The following PHACTR3 variants were observed in gnomAD, a reference collection of about 807,000 sequenced individuals.
PHACTR3 encodes protein phosphatase 1, regulatory subunit 123.
PHACTR3 carries 16 observed loss-of-function variants against 66.8 expected under a neutral mutation model. That is an observed-to-expected ratio of 0.24 (90% CI 0.16 to 0.36). PHACTR3 has a LOEUF of 0.36. Ranked by LOEUF, PHACTR3 falls within the 10% of genes least tolerant of loss-of-function variation. The probability of loss-of-function intolerance (pLI) is 1.00; values close to 1 mark genes in which losing one functional copy is unlikely to be tolerated. For synonymous variants in PHACTR3, 323 were observed against 292.1 expected, an observed-to-expected ratio of 1.11 and a Z score of -1.08; for missense variants, 647 against 719.9, an observed-to-expected ratio of 0.90 and a Z score of 1.16.
chr20:59,635,101 C>CTCTTTCTTTCTTTCTT lies in PHACTR3; in HGVS notation c.118+30003_118+30018dup, dbSNP rs1357018312. Among the ~76,000 whole-genome samples, 202 of 92,948 alleles carry CTCTTTCTTTCTTTCTT rather than the reference C, an allele frequency of 2.2e-3. 3 individuals carry two copies. Among genetic ancestry groups the CTCTTTCTTTCTTTCTT allele is most frequent in the East Asian group, 9.6e-3 (22 of 2,288 alleles). 61.0% of individuals were successfully genotyped at this position (92,948 alleles called of 152,430 possible). On this transcript the variant is annotated intron_variant, in intron 1 of 12. Coordinates refer to ENST00000371015, the MANE Select transcript of PHACTR3 (RefSeq NM_080672.5). ...TTCTTTTTTCTTTCTTTCTTTCTCT[C>CTCTTTCTTTCTTTCTT]TCTTTCTTTCTTTCTTTCTTTCTTT...
At chr20:59,719,372 C>A (rs1033953523) in intron 1 of PHACTR3, among the ~76,000 whole-genome samples, 2 of 152,164 alleles carry the variant, frequency 1.3e-5, no homozygotes. Context: ...ACCATCTTGG[C>A]CAGGCTGGTC....
At chr20:59,838,253 G>A (rs1185042317) in intron 9 of PHACTR3, among the ~76,000 whole-genome samples, 4 of 152,078 alleles carry the variant, frequency 2.6e-5, no homozygotes. Context: ...TGAGAATAGG[G>A]TAACTATATA....
At chr20:59,611,865 C>T (rs962069362) in intron 1 of PHACTR3, among the ~76,000 whole-genome samples, 2 of 152,194 alleles carry the variant, frequency 1.3e-5, no homozygotes, top group Admixed American at 6.5e-5. Context: ...TCTTGAAATG[C>T]GATTTGAATG....
rs2042276037 is a variant in PHACTR3, at chr20:59,829,199, G to C, written c.1329-7306G>C. 6.6e-6 allele frequency among the ~76,000 whole-genome samples: 1 copy of C among 152,152 alleles called. No homozygotes were observed. Among genetic ancestry groups the C allele is most frequent in the Non-Finnish European group, 1.5e-5 (1 of 68,016 alleles). ...TCACATCCTCCCCGGCATCCCAGAAGTCAGGACTGCTGGCTGCTGAGATGG... is the reference window on the plus strand; with the variant it reads ...TCACATCCTCCCCGGCATCCCAGAACTCAGGACTGCTGGCTGCTGAGATGG... On this transcript the variant is annotated intron_variant, in intron 8 of 12. Coordinates refer to ENST00000371015, the MANE Select transcript of PHACTR3 (RefSeq NM_080672.5). The surrounding 1 kb of genome is among the most constrained non-coding windows in gnomAD (Gnocchi z 4.2).
rs184078182 is a variant in PHACTR3 at position 59,718,927 on chromosome 20, C to T, written c.119-24180C>T. 9.8e-5 allele frequency among the ~76,000 whole-genome samples: 15 copies of T among 152,376 alleles called. No homozygotes were observed. The East Asian group carries it at 2.9e-3, about 29-fold the overall frequency. ...GTGTTGTCACCAGAAAGCGTCTCTG[C>T]TCCTCCAAGTGGTGGCAAGCCCCTC... On this transcript the variant is annotated intron_variant, in intron 1 of 12. Transcript: ENST00000371015.
At chr20:59,721,546 C>CA in intron 1 of PHACTR3, 1 of 152,286 alleles carries the variant, frequency 6.6e-6, no homozygotes, top group East Asian at 1.9e-4. Flanking sequence ...AGTTGTTACC[C>CA]AGAGTAGAAG....
chr20:59,822,059 CG>C (rs1444921570), intron 8 of PHACTR3, among the ~76,000 whole-genome samples: 172 of 98,346 alleles, frequency 1.7e-3, no homozygotes, highest in African/African-American at 4.9e-3. Flanking sequence ...CCTTCCCCAG[CG>C]ATCCGCCCCG....
At chr20:59,742,886 G>C (rs1012527341) in intron 1 of PHACTR3, among the ~76,000 whole-genome samples, 1 of 152,164 alleles carries the variant, frequency 6.6e-6, no homozygotes, top group Non-Finnish European at 1.5e-5. Context: ...TCTGGTGGCC[G>C]TGAGTGGGTC....
In PHACTR3 at chr20:59,734,813, C is replaced by T. The variant is rs561895965; in HGVS notation, c.119-8294C>T. ...ACTGCCATGCATTTATGAATTTGCA[C>T]GTTTTACTAAAATCCTACTCAACCT... On this transcript the variant is annotated intron_variant, in intron 1 of 12. Transcript: ENST00000371015. Among the ~76,000 whole-genome samples the T allele has an allele frequency of 3.1e-4, 47 of 152,222 alleles. 1 individual carries two copies. Among genetic ancestry groups the T allele is most frequent in the South Asian group, 2.9e-3 (14 of 4,800 alleles).
chr20:59,784,444 C>T (rs2040837777), intron 7 of PHACTR3, among the ~76,000 whole-genome samples: 1 of 152,160 alleles, frequency 6.6e-6, no homozygotes. Context: ...CTGACCCAAA[C>T]ACCAGGTGAC....
chr20:59,768,309 G>A (rs1023985756), intron 5 of PHACTR3, among the ~76,000 whole-genome samples: 4 of 152,224 alleles, frequency 2.6e-5, no homozygotes, highest in Non-Finnish European at 5.9e-5. Context: ...TGAAGGCTGT[G>A]GGCGTGAAAC....
chr20:59,746,665 ACATTAAGCTAAGC>A (rs1362063892), intron 2 of PHACTR3, among the ~76,000 whole-genome samples: 8 of 152,192 alleles, frequency 5.3e-5, no homozygotes, highest in Non-Finnish European at 1.0e-4. Context: ...CCCCAACTAG[ACATTAAGCTAAGC>A]CAGGTGGGCT....
chr20:59,731,272 A>G (rs904020638), intron 1 of PHACTR3, among the ~76,000 whole-genome samples: 1 of 152,158 alleles, frequency 6.6e-6, no homozygotes, highest in African/African-American at 2.4e-5. Flanking sequence ...GTAAAATATA[A>G]TCTCAGGGAA....
At chr20:59,835,506 ATAT>A (rs1170547493) in intron 8 of PHACTR3, among the ~76,000 whole-genome samples, 2 of 152,148 alleles carry the variant, frequency 1.3e-5, no homozygotes, top group Non-Finnish European at 2.9e-5. Context: ...CTGGGGCAAA[ATAT>A]TATGGCCCTA....
intron 1 of PHACTR3, among the ~76,000 whole-genome samples, chr20:59,686,146 A>T (rs902174370): frequency 1.3e-5 from 2 of 152,194 alleles, no homozygotes; most frequent in Non-Finnish European, 2.9e-5. Context: ...ATATCTTTTA[A>T]TAGACCCTGC....
intron 8 of PHACTR3, among the ~76,000 whole-genome samples, chr20:59,835,491 C>A (rs1386391996): frequency 6.6e-6 from 1 of 152,144 alleles, no homozygotes; most frequent in Non-Finnish European, 1.5e-5. Context: ...GAGGCAACAT[C>A]CTCACTGGGG....
rs534742777 is a variant in PHACTR3, at chr20:59,724,782, T to G, written c.119-18325T>G. Among the ~76,000 whole-genome samples, 6 of 152,210 alleles carry G rather than the reference T, an allele frequency of 3.9e-5. No homozygotes were observed. In the South Asian group the frequency reaches 1.2e-3, roughly 32 times the overall value. ...TCCCCCTCTCCTCAAAATGCTTACC[T>G]GCATTTTCATGATGCAGCTATGATG... On this transcript the variant is annotated intron_variant, in intron 1 of 12. Transcript: ENST00000371015.
At chr20:59,642,119 A>C (rs2035124375) in intron 1 of PHACTR3, among the ~76,000 whole-genome samples, 1 of 151,974 alleles carries the variant, frequency 6.6e-6, no homozygotes, top group South Asian at 2.1e-4. Context: ...GGATGTAGAG[A>C]AGGCAGCCTT....
intron 5 of PHACTR3, among the ~76,000 whole-genome samples, chr20:59,772,361 G>A (rs2040388739): frequency 6.6e-6 from 1 of 152,204 alleles, no homozygotes; most frequent in Non-Finnish European, 1.5e-5. Context: ...CAGGCCTGGG[G>A]AAACTGTAGG....
Sources: gnomAD v4.1 joint callset for allele counts (sites outside exome capture counted in the v4.1 genomes callset) on GRCh38, gnomAD v4.1.1 for gene constraint, Gnocchi (gnomAD v3.1) non-coding constraint, MANE v1.5 for transcripts, NCBI Gene and HGNC (gene_info 2026-07-23, HGNC 2026-07-21) for gene names.